Variants in ETS2 observed in about 807,000 individuals in gnomAD.
The protein encoded by ETS2 is protein C-ets-2.
A neutral mutation model predicts 54.9 loss-of-function variants in ETS2; 19 were observed. That is an observed-to-expected ratio of 0.35 (90% confidence interval 0.24 to 0.51). The LOEUF (loss-of-function observed/expected upper bound fraction) is 0.51, where lower values mean the gene tolerates loss of function less well. Among genes scored for constraint, ETS2 ranks in the 20% least tolerant of loss-of-function variants. The pLI is 0.97. For missense variants in ETS2, 417 were observed against 593.0 expected, an observed-to-expected ratio of 0.70 and a Z score of 3.08; for synonymous variants, 219 against 229.3, an observed-to-expected ratio of 0.95 and a Z score of 0.41.
chr21:38,814,138 A>T lies in ETS2; in HGVS notation c.185-135A>T. 1 of 825,350 alleles carries T rather than the reference A, an allele frequency of 1.2e-6. No individual in the cohort carries two copies. The highest frequency in any genetic ancestry group is 2.0e-6 in the Non-Finnish European group (1 of 512,124). 51.1% of individuals were successfully genotyped at this position (825,350 alleles called of 1,614,324 possible). On this transcript the variant is annotated intron_variant, in intron 3 of 9. Transcript: ENST00000360938. The surrounding 1 kb of genome is among the most constrained non-coding windows in gnomAD (Gnocchi z 4.2). ...TCAGAAAAGTTTTTTGTTAATAGTT[A>T]CACTGTTTTAAGGAATCATGCCAAG...
chr21:38,822,044 C>A (rs1055790749), intron 9 of ETS2, among the ~76,000 whole-genome samples: 1 of 152,150 alleles, frequency 6.6e-6, no homozygotes, highest in African/African-American at 2.4e-5. Flanking sequence ...GGGAACAAGC[C>A]TCATGTGGCC....
At position 38,806,920 on chromosome 21, in the gene ETS2, A is replaced by G. The variant is rs944581072; in HGVS notation, c.-1+800A>G. On this transcript the variant is annotated intron_variant, in intron 1 of 9. Coordinates refer to ENST00000360938, the MANE Select transcript of ETS2 (RefSeq NM_005239.6). The surrounding 1 kb of genome is among the most constrained non-coding windows in gnomAD (Gnocchi z 4.3). The stretch of plus-strand genomic sequence containing the variant: ...CTGTACACAATTTCAGGGTAGCCTA[A>G]AACAGTAGTTGACGCGCTAGTTATT... The G allele has an allele frequency of 1.5e-5, 12 of 789,924 alleles. No homozygotes were observed. Among genetic ancestry groups the G allele is most frequent in the South Asian group, 5.8e-5 (1 of 17,384 alleles). The allele number at this position is 789,924 out of a possible 1,614,324, so 48.9% of individuals were successfully genotyped here. A position where few individuals can be genotyped will look rare whatever the true frequency, so the allele number is the denominator to read the frequency against.
At chr21:38,811,927 C>T (rs1208660186) in intron 2 of ETS2, among the ~76,000 whole-genome samples, 4 of 152,282 alleles carry the variant, frequency 2.6e-5, no homozygotes, top group African/African-American at 7.2e-5. Context: ...CGTAGTTCAC[C>T]GCAGACTTGA....
Position 38,822,753 on chromosome 21 carries a change from A to G in ETS2, c.1274A>G (p.Tyr425Cys). Reference protein sequence around the residue: ...EKLSRGLRYYYDKNIIHKTSG... With the variant: ...EKLSRGLRYYCDKNIIHKTSG... ...CTGAGCCGGGGCTTACGCTACTATT[A>G]CGACAAGAACATCATCCACAAGACG... is the stretch of plus-strand genomic sequence containing the variant. Residue 425 changes from tyrosine (Y) to cysteine (C), a missense_variant, in exon 10 of 10, where the codon TAC (tyrosine) becomes TGC (cysteine). Around this residue, in one of 3 missense-constraint regions of ETS2, gnomAD observed 60 missense variants for 134.1 expected, o/e 0.45. Coordinates refer to ENST00000360938, the MANE Select transcript of ETS2 (RefSeq NM_005239.6). 6.2e-7 allele frequency: 1 copy of G among 1,614,196 alleles called. No individual in the cohort carries two copies. The highest frequency in any genetic ancestry group is 8.5e-7 in the Non-Finnish European group (1 of 1,180,020).
upstream of ETS2, chr21:38,805,574 C>G (rs558207037): frequency 2.6e-4 from 336 of 1,277,960 alleles, 1 homozygote; most frequent in East Asian, 5.7e-3. The surrounding 1 kb of genome is among the most constrained non-coding windows in gnomAD (Gnocchi z 5.2). Flanking sequence ...CAGGGCCAGC[C>G]GGCGAGGGAC....
rs1205833064 is a variant in ETS2, at chr21:38,814,292, G to T, written c.204G>T (p.Leu68Phe). Residue 68 changes from leucine (L) to phenylalanine (F), a missense_variant, in exon 4 of 10, where the codon TTG (leucine) becomes TTT (phenylalanine). Leu to Phe is a conservative substitution (Grantham distance 22). Coordinates refer to ENST00000360938, the MANE Select transcript of ETS2 (RefSeq NM_005239.6). The surrounding 1 kb of genome is among the most constrained non-coding windows in gnomAD (Gnocchi z 4.2). ...SISHDSANCE[L>F]PLLTPCSKAV... ...TTCCAGACTCCGCCAACTGTGAATT[G>T]CCTTTGTTAACCCCGTGCAGCAAGG... The T allele has an allele frequency of 6.2e-7, 1 of 1,614,056 alleles. No homozygotes were observed. The highest frequency in any genetic ancestry group is 1.1e-5 in the South Asian group (1 of 91,086).
At position 38,819,502 on chromosome 21, in the gene ETS2, G is replaced by A; in HGVS notation, c.812-1G>A. 6.2e-7 allele frequency: 1 copy of A among 1,613,486 alleles called. No individual in the cohort carries two copies. The highest frequency in any genetic ancestry group is 8.5e-7 in the Non-Finnish European group (1 of 1,179,452). Reference sequence around the variant, plus strand: ...AGTATGTGTTTGGTTGTCTTTGCCAGGGACTCCCAAAGACCACGACTCCCC... The same window carrying A: ...AGTATGTGTTTGGTTGTCTTTGCCAAGGACTCCCAAAGACCACGACTCCCC... On this transcript the variant is annotated splice_acceptor_variant, in intron 7 of 9. Coordinates refer to ENST00000360938, the MANE Select transcript of ETS2 (RefSeq NM_005239.6). LOFTEE classifies it high-confidence loss of function.
intron 3 of ETS2, among the ~76,000 whole-genome samples, chr21:38,813,340 G>C (rs929582494): frequency 3.3e-5 from 5 of 152,204 alleles, no homozygotes; most frequent in Admixed American, 2.0e-4. Flanking sequence ...GTGAGCCGCT[G>C]TTAGGAAACT....
At chr21:38,812,641 C>T (rs972877000) in intron 2 of ETS2, among the ~76,000 whole-genome samples, 2 of 152,050 alleles carry the variant, frequency 1.3e-5, no homozygotes, top group Non-Finnish European at 2.9e-5. Flanking sequence ...ATTATCCAGG[C>T]GTGGTGGTGG....
At chr21:38,818,952 A>G (rs2060946156) in intron 7 of ETS2, among the ~76,000 whole-genome samples, 1 of 152,216 alleles carries the variant, frequency 6.6e-6, no homozygotes, top group Admixed American at 6.5e-5. Flanking sequence ...ACATAAATAC[A>G]GTGCACAAGT....
rs973110810 is a variant in ETS2 at position 38,806,761 on chromosome 21, C to T, written c.-1+641C>T. On this transcript the variant is annotated intron_variant, in intron 1 of 9. Coordinates refer to ENST00000360938, the MANE Select transcript of ETS2 (RefSeq NM_005239.6). This position sits in a 1 kb window ranked among gnomAD's most constrained non-coding sequence, Gnocchi z 4.3. ...ACCTGTCGGAAATGAGATCTGGTTGCGCTGGGCTGCCTTTATTTTCTCGTT... is the reference window on the plus strand; with the variant it reads ...ACCTGTCGGAAATGAGATCTGGTTGTGCTGGGCTGCCTTTATTTTCTCGTT... 6.1e-6 allele frequency: 6 copies of T among 985,340 alleles called. No homozygotes were observed. Among genetic ancestry groups the T allele is most frequent in the Admixed American group, 6.2e-5 (1 of 16,258 alleles). 61.0% of individuals were successfully genotyped at this position (985,340 alleles called of 1,614,324 possible). A position where few individuals can be genotyped will look rare whatever the true frequency, so the allele number is the denominator to read the frequency against.
At position 38,812,541 on chromosome 21, in the gene ETS2, G is replaced by A. The variant is rs1002514722; in HGVS notation, c.73-462G>A. Among the ~76,000 whole-genome samples the A allele has an allele frequency of 2.0e-5, 3 of 152,230 alleles. No individual in the cohort carries two copies. In the East Asian group the frequency reaches 5.8e-4, roughly 29 times the overall value. On this transcript the variant is annotated intron_variant, in intron 2 of 9. Coordinates refer to ENST00000360938, the MANE Select transcript of ETS2 (RefSeq NM_005239.6). ...CACGCCTGTAATCCCAGCACTTTGG[G>A]AGGCCAAGGCGGGTGGATTACACGA...
chr21:38,816,449 G>A (rs539783403), intron 5 of ETS2, among the ~76,000 whole-genome samples: 11 of 152,038 alleles, frequency 7.2e-5, no homozygotes, highest in Non-Finnish European at 1.5e-4. Flanking sequence ...TTGGGTTTCC[G>A]GGTGGACGTG....
At chr21:38,811,208 C>T (rs1389707412) in intron 2 of ETS2, among the ~76,000 whole-genome samples, 2 of 151,104 alleles carry the variant, frequency 1.3e-5, no homozygotes, top group East Asian at 1.9e-4. Context: ...AAAGAATTTA[C>T]GGTTAGGAAA....
chr21:38,809,661 A>G (rs1185438943), intron 1 of ETS2: 1 of 218,706 alleles, frequency 4.6e-6, no homozygotes, highest in African/African-American at 2.4e-5. Context: ...GTACCCACCC[A>G]AGCACTCACC....
At chr21:38,817,135 T>C in intron 6 of ETS2, 44 bp downstream of exon 6, 2 of 1,279,550 alleles carry the variant, frequency 1.6e-6, no homozygotes, top group Non-Finnish European at 2.3e-6. Flanking sequence ...GTCTTCAGTC[T>C]TCCCAGTAGA....
chr21:38,805,593 G>A (rs1209920979), upstream of ETS2: 1 of 1,269,816 alleles, frequency 7.9e-7, no homozygotes, highest in Non-Finnish European at 1.0e-6. This position sits in a 1 kb window ranked among gnomAD's most constrained non-coding sequence, Gnocchi z 5.2. Flanking sequence ...ACCCAGCCGA[G>A]TGACAGCAGG....
rs536810041 is a variant in ETS2, at chr21:38,819,611, G to A, written c.920G>A (p.Arg307Gln). ...CAGTCGTCCTTGCTGGATGTGCAAC[G>A]GGTTCCTTCCTTCGAGAGCTTCGAA... ...NSQSSLLDVQ[R>Q]VPSFESFEDD... Residue 307 changes from arginine (R) to glutamine (Q), a missense_variant, in exon 8 of 10, where the codon CGG becomes CAG. Physicochemically the swap from Arg to Gln is conservative, Grantham distance 43 (BLOSUM62 1). This residue lies in a region of ETS2 where 326 missense variants were observed against 426.1 expected (regional missense o/e 0.76). Transcript: ENST00000360938. 1.2e-5 allele frequency: 19 copies of A among 1,614,178 alleles called. No individual in the cohort carries two copies. The highest frequency in any genetic ancestry group is 3.3e-4 in the Middle Eastern group (2 of 6,062).
intron 8 of ETS2, among the ~76,000 whole-genome samples, chr21:38,820,691 C>T (rs1325806688): frequency 6.6e-6 from 1 of 152,222 alleles, no homozygotes; most frequent in African/African-American, 2.4e-5. Context: ...AATTGGCTCA[C>T]AGGCAGACAG....
Sources: allele counts gnomAD v4.1 joint callset (sites outside exome capture counted in the v4.1 genomes callset), GRCh38; gene constraint gnomAD v4.1.1; regional missense constraint gnomAD v4.1.1; non-coding constraint Gnocchi (gnomAD v3.1); transcripts MANE v1.5; gene names NCBI Gene and HGNC (gene_info 2026-07-23, HGNC 2026-07-21).